AP3B1: variants seen among roughly 807,000 people sequenced by gnomAD.
AP3B1 encodes the protein adaptor related protein complex 3 subunit beta 1, also known as AP-3 complex subunit beta-1.
In AP3B1, 61 loss-of-function variants were observed where a neutral mutation model predicts 132.5. The observed-to-expected ratio is 0.46, with a 90% confidence interval of 0.37 to 0.57. AP3B1 has a LOEUF of 0.57. AP3B1 is among the 20% of genes least tolerant of loss of function. The pLI, the probability that AP3B1 is intolerant of heterozygous loss-of-function variation, is 0.00. For missense variants in AP3B1, 1,120 were observed against 1,289.4 expected (o/e 0.87, Z 2.01); for synonymous variants, 388 against 438.3 (o/e 0.89, Z 1.43).
intron 7 of AP3B1, among the ~76,000 whole-genome samples, chr5:78,191,621 T>G (rs1744838752): frequency 6.6e-6 from 1 of 152,074 alleles, no homozygotes; most frequent in Admixed American, 6.6e-5. Flanking sequence ...AACTCAAGAT[T>G]GTTGAATCCA....
At chr5:78,153,228 T>A (rs1437322260) in intron 14 of AP3B1, among the ~76,000 whole-genome samples, 1 of 152,222 alleles carries the variant, frequency 6.6e-6, no homozygotes, top group Non-Finnish European at 1.5e-5. Flanking sequence ...CAGTGTTGAG[T>A]GCATATATAT....
intron 7 of AP3B1, among the ~76,000 whole-genome samples, chr5:78,208,034 C>T (rs947277509): frequency 6.6e-6 from 1 of 151,672 alleles, no homozygotes; most frequent in African/African-American, 2.4e-5. Context: ...GGATATGCTC[C>T]AAAGCCAGGA....
intron 1 of AP3B1, among the ~76,000 whole-genome samples, chr5:78,278,392 G>A (rs905064672): frequency 9.3e-5 from 13 of 139,302 alleles, no homozygotes; most frequent in Admixed American, 3.5e-4. Context: ...GAGGTCAGGA[G>A]ATCGAGACCA....
intron 22 of AP3B1, among the ~76,000 whole-genome samples, chr5:78,084,726 CAGA>C (rs1750167553): frequency 6.6e-6 from 1 of 151,700 alleles, no homozygotes; most frequent in Non-Finnish European, 1.5e-5. Context: ...TAAAAATATG[CAGA>C]AGAAAATTAA....
At chr5:78,166,117 TCACACACA>T (rs70997970) in intron 11 of AP3B1, among the ~76,000 whole-genome samples, 10,994 of 135,624 alleles carry the variant, frequency 0.081, 496 homozygotes, top group Admixed American at 0.1. Flanking sequence ...TGAAACTCTG[TCACACACA>T]CACACACACA....
intron 26 of AP3B1, chr5:78,003,390 C>T (rs1371478075): frequency 1.4e-5 from 5 of 355,282 alleles, no homozygotes; most frequent in Non-Finnish European, 2.0e-5. Context: ...TTTAACATTT[C>T]ACCATGCATA....
chr5:78,171,775 G>A (rs913028402), intron 11 of AP3B1, among the ~76,000 whole-genome samples: 12 of 152,168 alleles, frequency 7.9e-5, no homozygotes, highest in Admixed American at 2.0e-4. Context: ...CCAACACCAC[G>A]TTGAGTAGGA....
intron 7 of AP3B1, among the ~76,000 whole-genome samples, chr5:78,213,180 C>T (rs1745821600): frequency 6.6e-6 from 1 of 151,946 alleles, no homozygotes; most frequent in African/African-American, 2.4e-5. Context: ...CGCCCGGCCT[C>T]GTCTGCCAAC....
chr5:78,037,353 A>C (rs1020510320), intron 23 of AP3B1, among the ~76,000 whole-genome samples: 7 of 152,128 alleles, frequency 4.6e-5, no homozygotes, highest in Non-Finnish European at 1.0e-4. Flanking sequence ...AAATAACACA[A>C]TAATTCCTTG....
rs541117135 is a variant in AP3B1 at position 78,007,427 on chromosome 5, G to A, written c.3132-4372C>T. Among the ~76,000 whole-genome samples the A allele has an allele frequency of 1.0e-4, 15 of 149,610 alleles. No homozygotes were observed. The South Asian group carries it at 3.1e-3, about 31-fold the overall frequency. ...AGAAGCTGTGACAATGACCCACTCA[G>A]GCTAAAACTTTTTTTTTTTTGTACT... is the stretch of plus-strand genomic sequence containing the variant. On this transcript the variant is annotated intron_variant, in intron 26 of 26. Transcript: ENST00000255194.
chr5:78,089,449 T>C lies in AP3B1; in HGVS notation c.2521A>G (p.Ser841Gly), dbSNP rs758557596. ...AAACCTTCAAGATCAGCCATCAAACTTGGAGAAAGAGCTGGTGTGGGAAGT... is the reference window on the plus strand; with the variant it reads ...AAACCTTCAAGATCAGCCATCAAACCTGGAGAAAGAGCTGGTGTGGGAAGT... ...VALPTPALSP[S>G]LMADLEGLHL... Residue 841 changes from serine to glycine, a missense_variant, in exon 22 of 27, where the codon AGT becomes GGT. Transcript: ENST00000255194. The C allele has an allele frequency of 2.5e-6, 4 of 1,613,412 alleles. No individual in the cohort carries two copies. Among genetic ancestry groups the C allele is most frequent in the East Asian group, 4.5e-5 (2 of 44,826 alleles).
chr5:78,059,559 C>T (rs1002592695), intron 22 of AP3B1, among the ~76,000 whole-genome samples: 3 of 119,358 alleles, frequency 2.5e-5, no homozygotes, highest in Middle Eastern at 4.2e-3. Context: ...AACAAAACTC[C>T]GCAGTATTTT....
At chr5:78,202,088 G>A (rs1276069880) in intron 7 of AP3B1, among the ~76,000 whole-genome samples, 3 of 152,102 alleles carry the variant, frequency 2.0e-5, no homozygotes, top group Admixed American at 6.5e-5. Context: ...CTATGTTCGT[G>A]AATAAGTCTT....
chr5:78,108,633 G>T (rs369199778), intron 20 of AP3B1, among the ~76,000 whole-genome samples: 3 of 152,268 alleles, frequency 2.0e-5, no homozygotes. Context: ...ATAGTTTGAG[G>T]TTTTTTATAC....
At chr5:78,115,018 T>C (rs908690935) in intron 18 of AP3B1, among the ~76,000 whole-genome samples, 2 of 152,202 alleles carry the variant, frequency 1.3e-5, no homozygotes, top group East Asian at 1.9e-4. Flanking sequence ...CAAAGGAGAT[T>C]AGAACACAAC....
intron 14 of AP3B1, among the ~76,000 whole-genome samples, chr5:78,151,501 A>G (rs1753648523): frequency 6.6e-6 from 1 of 152,108 alleles, no homozygotes; most frequent in African/African-American, 2.4e-5. Flanking sequence ...TCTGTCACAT[A>G]TGGCTTTTAT....
rs1043188648 is a variant in AP3B1 at position 78,213,529 on chromosome 5, G to A, written c.786+2526C>T. Among the ~76,000 whole-genome samples, 10 of 152,256 alleles carry A rather than the reference G, an allele frequency of 6.6e-5. 1 individual carries two copies. The highest frequency in any genetic ancestry group is 4.6e-4 in the Admixed American group (7 of 15,298). ...CTGCTTCTGAACTGAACATATGTAC[G>A]TATGTAGACAAAAGCCTGTTATACT... On this transcript the variant is annotated intron_variant, in intron 7 of 26. Transcript: ENST00000255194.
rs571545306 is a variant in AP3B1 at position 78,092,284 on chromosome 5, G to C, written c.2471-2785C>G. 3.5e-4 allele frequency among the ~76,000 whole-genome samples: 53 copies of C among 152,276 alleles called. 1 individual carries two copies. The highest frequency in any genetic ancestry group is 6.8e-3 in the Middle Eastern group (2 of 294). On this transcript the variant is annotated intron_variant, in intron 21 of 26. Coordinates refer to ENST00000255194, the MANE Select transcript of AP3B1 (RefSeq NM_003664.5). ...CTTCACACCACAAGCAAGTTCTGCT[G>C]TTTTTTAAAAAAGGATGGGTTTTAA...
At chr5:78,178,633 C>T (rs1744248343) in intron 8 of AP3B1, among the ~76,000 whole-genome samples, 1 of 152,036 alleles carries the variant, frequency 6.6e-6, no homozygotes, top group African/African-American at 2.4e-5. Context: ...CAAAACAAAA[C>T]AAACAAAGGG....
Sources: gnomAD v4.1 joint callset for allele counts (sites outside exome capture counted in the v4.1 genomes callset) on GRCh38, gnomAD v4.1.1 for gene constraint, MANE v1.5 for transcripts, NCBI Gene and HGNC (gene_info 2026-07-23, HGNC 2026-07-21) for gene names.